The following PLCB1 variants were observed in gnomAD, a reference collection of about 807,000 sequenced individuals.
The protein encoded by PLCB1 is phospholipase C beta 1, also known as 1-phosphatidylinositol 4,5-bisphosphate phosphodiesterase beta-1.
PLCB1 carries 46 observed loss-of-function variants against 161.8 expected under a neutral mutation model. The observed-to-expected ratio is 0.28, with a 90% CI of 0.22 to 0.36. PLCB1 has a LOEUF of 0.36. Ranked by LOEUF, PLCB1 falls within the 10% of genes least tolerant of loss-of-function variation. The pLI, the probability that PLCB1 is intolerant of heterozygous loss-of-function variation, is 1.00. For missense variants in PLCB1, 1,016 were observed against 1,472.5 expected, an observed-to-expected ratio of 0.69 and a Z score of 5.07; for synonymous variants, 517 against 503.7, an observed-to-expected ratio of 1.03 and a Z score of -0.35.
chr20:8,390,489 A>G (rs968007908), intron 3 of PLCB1, among the ~76,000 whole-genome samples: 1 of 152,324 alleles, frequency 6.6e-6, no homozygotes, highest in African/African-American at 2.4e-5. Flanking sequence ...AGCCCTTAAC[A>G]GTGTTCCCTC....
rs115867626 is a variant in PLCB1 at position 8,749,457 on chromosome 20, G to A, written c.2524-7589G>A. On this transcript the variant is annotated intron_variant, in intron 23 of 31. Transcript: ENST00000338037. Reference sequence around the variant, plus strand: ...TCCCGCAAGTGATTGACCATAGTCCGTACCAAACGATTTGACTTAATTAAT... The same window carrying A: ...TCCCGCAAGTGATTGACCATAGTCCATACCAAACGATTTGACTTAATTAAT... 7.7e-3 allele frequency among the ~76,000 whole-genome samples: 1,172 copies of A among 152,232 alleles called. 18 individuals are homozygous for A. Among genetic ancestry groups the A allele is most frequent in the African/African-American group, 0.026 (1,078 of 41,528 alleles).
At chr20:8,554,341 C>T (rs986906327) in intron 3 of PLCB1, among the ~76,000 whole-genome samples, 33 of 152,094 alleles carry the variant, frequency 2.2e-4, no homozygotes, top group Admixed American at 2.0e-4. Context: ...AAACCCCAAA[C>T]TGGAAACAAC....
chr20:8,380,333 T>C (rs112097875), intron 3 of PLCB1, among the ~76,000 whole-genome samples: 3,059 of 152,310 alleles, frequency 0.02, 110 homozygotes, highest in African/African-American at 0.068. Context: ...CAGTACCACC[T>C]GTTTCGGTTA....
chr20:8,446,447 A>G (rs1002918343), intron 3 of PLCB1, among the ~76,000 whole-genome samples: 1 of 152,204 alleles, frequency 6.6e-6, no homozygotes, highest in African/African-American at 2.4e-5. Context: ...CCCACAGCCA[A>G]TATCATACTG....
At chr20:8,721,110 A>G (rs1043645358) in intron 14 of PLCB1, among the ~76,000 whole-genome samples, 1 of 152,222 alleles carries the variant, frequency 6.6e-6, no homozygotes, top group African/African-American at 2.4e-5. Context: ...GGAGATTTTT[A>G]AGCAATACTT....
intron 3 of PLCB1, among the ~76,000 whole-genome samples, chr20:8,380,406 C>A (rs1217344522): frequency 6.6e-6 from 1 of 152,172 alleles, no homozygotes; most frequent in Non-Finnish European, 1.5e-5. Flanking sequence ...GTTCTTTTTG[C>A]TCAGGATTGT....
chr20:8,383,107 T>C (rs913884379), intron 3 of PLCB1, among the ~76,000 whole-genome samples: 6 of 145,538 alleles, frequency 4.1e-5, no homozygotes, highest in Non-Finnish European at 7.4e-5. Context: ...TCTGTCTCAT[T>C]GATCTGTCTA....
intron 4 of PLCB1, among the ~76,000 whole-genome samples, chr20:8,632,034 GCTTTTTTTTTTTTTTT>G (rs1181343103): frequency 6.1e-5 from 5 of 81,750 alleles, no homozygotes; most frequent in African/African-American, 2.0e-4. Flanking sequence ...GGTTTTTTTT[GCTTTTTTTTTTTTTTT>G]TTTTTTTTTT....
At chr20:8,427,730 C>A (rs1197589333) in intron 3 of PLCB1, among the ~76,000 whole-genome samples, 1 of 152,230 alleles carries the variant, frequency 6.6e-6, no homozygotes, top group African/African-American at 2.4e-5. Flanking sequence ...AGGATAAAAT[C>A]ATCAGGTTTT....
At chr20:8,734,060 G>A (rs1460900336) in intron 19 of PLCB1, among the ~76,000 whole-genome samples, 4 of 137,386 alleles carry the variant, frequency 2.9e-5, no homozygotes, top group Non-Finnish European at 1.5e-5. Flanking sequence ...CCTGGGAGGT[G>A]GAGCTTGCAG....
At chr20:8,532,133 G>T (rs1004578731) in intron 3 of PLCB1, among the ~76,000 whole-genome samples, 15 of 152,034 alleles carry the variant, frequency 9.9e-5, no homozygotes, top group African/African-American at 3.4e-4. Flanking sequence ...TTATTTGCCA[G>T]TCTAATATAT....
chr20:8,670,541 T>C (rs1004192118), intron 9 of PLCB1, among the ~76,000 whole-genome samples: 1 of 152,214 alleles, frequency 6.6e-6, no homozygotes, highest in Admixed American at 6.5e-5. Flanking sequence ...CACATAGTTA[T>C]GGTAATAGCA....
chr20:8,208,137 G>A (rs550936978), intron 2 of PLCB1, among the ~76,000 whole-genome samples: 5 of 152,204 alleles, frequency 3.3e-5, no homozygotes, highest in South Asian at 2.1e-4. Context: ...GAACCACACC[G>A]TAGATAACTG....
chr20:8,834,034 T>C (rs185873824), intron 31 of PLCB1, among the ~76,000 whole-genome samples: 2 of 152,196 alleles, frequency 1.3e-5, no homozygotes, highest in African/African-American at 4.8e-5. Flanking sequence ...AATTTCTTTC[T>C]TTTCAAGTTC....
chr20:8,180,231 T>C (rs1301422127), intron 2 of PLCB1, among the ~76,000 whole-genome samples: 1 of 152,186 alleles, frequency 6.6e-6, no homozygotes. Context: ...TTGGTTTTAG[T>C]TCTATTTATG....
chr20:8,315,504 G>A (rs759450891), intron 2 of PLCB1, among the ~76,000 whole-genome samples: 3 of 152,140 alleles, frequency 2.0e-5, no homozygotes, highest in Admixed American at 1.3e-4. Flanking sequence ...GAAATAACTG[G>A]CCTTCAAGTC....
At chr20:8,133,952 G>A (rs1219916316) in intron 1 of PLCB1, among the ~76,000 whole-genome samples, 1 of 152,194 alleles carries the variant, frequency 6.6e-6, no homozygotes, top group African/African-American at 2.4e-5. Flanking sequence ...TCCAGGTAGT[G>A]AATCCAATTA....
chr20:8,132,459 C>A lies in PLCB1; in HGVS notation c.-193C>A. ...CCCGGGGCATGGCCGGGCGCTGCGC[C>A]CCCGCGCGCTCTGCCTGCTGAGCGG... On this transcript the variant is annotated 5_prime_UTR_variant, in exon 1 of 32. Coordinates refer to ENST00000338037, the MANE Select transcript of PLCB1 (RefSeq NM_015192.4). This position sits in a 1 kb window ranked among gnomAD's most constrained non-coding sequence, Gnocchi z 5.2. The A allele has an allele frequency of 3.0e-6, 1 of 328,578 alleles. No individual in the cohort carries two copies. Among genetic ancestry groups the A allele is most frequent in the Non-Finnish European group, 5.5e-6 (1 of 181,422 alleles). 20.4% of individuals were successfully genotyped at this position (328,578 alleles called of 1,614,324 possible).
At chr20:8,840,986 T>C (rs1009632692) in intron 31 of PLCB1, among the ~76,000 whole-genome samples, 1 of 152,002 alleles carries the variant, frequency 6.6e-6, no homozygotes, top group Non-Finnish European at 1.5e-5. Flanking sequence ...CCAACCAAAA[T>C]ACAAAAATAC....
Sources: gnomAD v4.1 joint callset for allele counts (sites outside exome capture counted in the v4.1 genomes callset) on GRCh38, gnomAD v4.1.1 for gene constraint, Gnocchi (gnomAD v3.1) non-coding constraint, MANE v1.5 for transcripts, NCBI Gene and HGNC (gene_info 2026-07-23, HGNC 2026-07-21) for gene names.